The following CYRIB variants were observed in gnomAD, a reference collection of about 807,000 sequenced individuals.
CYRIB encodes the protein CYFIP-related Rac1 interactor B.
Under a neutral mutation model 44.2 loss-of-function variants are expected in CYRIB, and 8 were observed. That is an observed-to-expected ratio of 0.18 (90% CI 0.11 to 0.33). The LOEUF (loss-of-function observed/expected upper bound fraction) is 0.33, where lower values mean the gene tolerates loss of function less well. CYRIB is among the 10% of genes least tolerant of loss of function. The pLI, the probability that CYRIB is intolerant of heterozygous loss-of-function variation, is 1.00. For missense variants in CYRIB, 185 were observed against 382.8 expected (o/e 0.48, Z 4.31); for synonymous variants, 131 against 127.2 (o/e 1.03, Z -0.20).
chr8:129,993,509 C>T (rs921924745), intron 1 of CYRIB, among the ~76,000 whole-genome samples: 4 of 151,784 alleles, frequency 2.6e-5, no homozygotes, highest in African/African-American at 9.7e-5. Context: ...CCGGACTGGA[C>T]AACACAGGGA....
intron 2 of CYRIB, among the ~76,000 whole-genome samples, chr8:129,969,052 C>T (rs537767303): frequency 1.8e-3 from 157 of 89,710 alleles, no homozygotes; most frequent in Non-Finnish European, 2.6e-3. Flanking sequence ...CTTGCTCTGT[C>T]GCCCAGGCTA....
At chr8:129,946,894 CTGTT>C (rs749103208) in intron 2 of CYRIB, among the ~76,000 whole-genome samples, 2 of 152,144 alleles carry the variant, frequency 1.3e-5, no homozygotes, top group Non-Finnish European at 2.9e-5. Context: ...CTTCACTTGG[CTGTT>C]TGTCAGCCTT....
intron 1 of CYRIB, among the ~76,000 whole-genome samples, chr8:130,016,024 G>A (rs1372357635): frequency 1.3e-5 from 2 of 151,804 alleles, no homozygotes; most frequent in Non-Finnish European, 2.9e-5. Flanking sequence ...ACCCCGACCC[G>A]AGCGCCCCCT....
rs191284488 is a variant in CYRIB at position 129,867,549 on chromosome 8, T to G, written c.195+3826A>C. ...CAATAAGCATTGTTTATTTAATAGA[T>G]TCTATCTTAAATCAAATTTTATTCT... On this transcript the variant is annotated intron_variant, in intron 4 of 11. Transcript: ENST00000519824. Among the ~76,000 whole-genome samples, 185 of 152,018 alleles carry G rather than the reference T, an allele frequency of 1.2e-3. 4 individuals carry two copies. The East Asian group carries it at 0.032, about 26-fold the overall frequency.
chr8:129,884,536 C>T (rs2061999676), intron 2 of CYRIB, among the ~76,000 whole-genome samples: 1 of 152,150 alleles, frequency 6.6e-6, no homozygotes, highest in East Asian at 1.9e-4. Context: ...GACCTACCCG[C>T]CTCAGCCTCC....
At position 129,858,929 on chromosome 8, in the gene CYRIB, C is replaced by T. The variant is rs549848639; in HGVS notation, c.302-3182G>A. The stretch of plus-strand genomic sequence containing the variant: ...AAGTTTACTGTAGGGTCCAGCCCCA[C>T]AGGGTCGGTGGGTTTCTCCCCGTGT... On this transcript the variant is annotated intron_variant, in intron 5 of 11. Coordinates refer to ENST00000519824, the Ensembl canonical transcript of CYRIB. Among the ~76,000 whole-genome samples the T allele has an allele frequency of 2.6e-5, 4 of 152,308 alleles. No homozygotes were observed. In the South Asian group the frequency reaches 8.3e-4, roughly 32 times the overall value.
chr8:129,892,519 T>A (rs1295932539), intron 2 of CYRIB, among the ~76,000 whole-genome samples: 1 of 152,172 alleles, frequency 6.6e-6, no homozygotes, highest in Non-Finnish European at 1.5e-5. Context: ...TAACTATGGC[T>A]TTCTTTATAT....
At chr8:129,852,354 C>G in intron 7 of CYRIB, 76 bp from the exon 10 acceptor site, 1 of 832,606 alleles carries the variant, frequency 1.2e-6, no homozygotes, top group Non-Finnish European at 1.7e-6. Flanking sequence ...AGGACCCAGG[C>G]AGGGTGCCTG....
chr8:129,883,433 G>A (rs763690685), intron 2 of CYRIB, among the ~76,000 whole-genome samples: 1 of 152,132 alleles, frequency 6.6e-6, no homozygotes, highest in East Asian at 1.9e-4. Context: ...CAGGACAGAT[G>A]CTACATAGGC....
At chr8:130,000,716 T>C (rs2096888558) in intron 1 of CYRIB, among the ~76,000 whole-genome samples, 1 of 151,638 alleles carries the variant, frequency 6.6e-6, no homozygotes, top group South Asian at 2.1e-4. Context: ...AATAAATAAA[T>C]ATGTCAATTT....
intron 4 of CYRIB, among the ~76,000 whole-genome samples, chr8:129,869,724 C>T (rs1261652390): frequency 1.3e-5 from 2 of 152,122 alleles, no homozygotes; most frequent in Non-Finnish European, 2.9e-5. Flanking sequence ...AAGACCAAAG[C>T]CCTTGTATTT....
chr8:129,939,354 A>G (rs1236575661), intron 1 of CYRIB, among the ~76,000 whole-genome samples: 6 of 149,976 alleles, frequency 4.0e-5, no homozygotes, highest in East Asian at 2.0e-4. Flanking sequence ...GGAGGTGCCA[A>G]TGGAAGGAAG....
At chr8:129,916,862 T>C (rs1168549837) in intron 1 of CYRIB, among the ~76,000 whole-genome samples, 1 of 152,212 alleles carries the variant, frequency 6.6e-6, no homozygotes, top group Non-Finnish European at 1.5e-5. Context: ...ATAGCATATA[T>C]AGGTAGAAAA....
chr8:129,984,679 G>C (rs547462686), intron 1 of CYRIB, among the ~76,000 whole-genome samples: 4 of 152,262 alleles, frequency 2.6e-5, no homozygotes, highest in African/African-American at 4.8e-5. Flanking sequence ...GCACACGCTA[G>C]GGCTTTAATT....
intron 2 of CYRIB, among the ~76,000 whole-genome samples, chr8:129,894,252 T>C (rs1051964502): frequency 1.1e-4 from 17 of 152,250 alleles, no homozygotes; most frequent in Non-Finnish European, 1.6e-4. Flanking sequence ...TCCCAAGTGC[T>C]TCCATCAATT....
At chr8:129,898,985 T>C (rs2069880543) in intron 2 of CYRIB, among the ~76,000 whole-genome samples, 1 of 152,078 alleles carries the variant, frequency 6.6e-6, no homozygotes, top group Non-Finnish European at 1.5e-5. Context: ...TGCCTCACCC[T>C]CCCAAGTAGC....
chr8:129,988,316 C>T (rs1363039097), intron 1 of CYRIB, among the ~76,000 whole-genome samples: 1 of 152,156 alleles, frequency 6.6e-6, no homozygotes, highest in Admixed American at 6.5e-5. Flanking sequence ...AGTAGCCTTG[C>T]GCCCTGGGAC....
Position 129,859,953 on chromosome 8 carries a change from G to C in CYRIB, c.301+2276C>G, listed in dbSNP as rs182311619. Among the ~76,000 whole-genome samples the C allele has an allele frequency of 4.6e-4, 70 of 152,324 alleles. No homozygotes were observed. The South Asian group carries it at 0.01, about 22-fold the overall frequency. On this transcript the variant is annotated intron_variant, in intron 5 of 11. Coordinates refer to ENST00000519824, the Ensembl canonical transcript of CYRIB. ...AGTTAAACCCTGTCAGCAAAACTGA[G>C]TATCTTCAAATTAAGCAGGTAATCC...
upstream of CYRIB, chr8:130,016,592 G>C (rs2097353940): frequency 6.6e-6 from 1 of 150,522 alleles, no homozygotes. Flanking sequence ...AGGAGGAAGA[G>C]GAAGCGCTGT....
Sources: allele counts gnomAD v4.1 joint callset (sites outside exome capture counted in the v4.1 genomes callset), GRCh38; gene constraint gnomAD v4.1.1; transcripts MANE v1.5; gene names NCBI Gene and HGNC (gene_info 2026-07-23, HGNC 2026-07-21).